Variants in BCKDHB observed in about 807,000 individuals in gnomAD.
The protein encoded by BCKDHB is branched chain keto acid dehydrogenase E1 subunit beta.
A neutral mutation model predicts 48.5 loss-of-function variants in BCKDHB; 41 were observed. That is an observed-to-expected ratio of 0.85 (90% CI 0.66 to 1.10). The LOEUF (loss-of-function observed/expected upper bound fraction) is 1.10. BCKDHB is among the 50% of genes least tolerant of loss of function. The pLI is 0.00. For missense variants in BCKDHB, 496 were observed against 494.2 expected (o/e 1.00, Z -0.03); for synonymous variants, 201 against 174.8 (o/e 1.15, Z -1.18).
At chr6:80,313,679 C>T (rs1387031831) in intron 9 of BCKDHB, among the ~76,000 whole-genome samples, 1 of 152,102 alleles carries the variant, frequency 6.6e-6, no homozygotes, top group African/African-American at 2.4e-5. Context: ...CGCGCCTGAC[C>T]TATTTTATTA....
intron 6 of BCKDHB, among the ~76,000 whole-genome samples, chr6:80,194,935 G>A (rs1228518552): frequency 6.6e-6 from 1 of 151,896 alleles, no homozygotes; most frequent in Non-Finnish European, 1.5e-5. Flanking sequence ...AGTCTATATT[G>A]TGTTGTGGGA....
At chr6:80,130,566 CA>C (rs1770576868) in intron 3 of BCKDHB, among the ~76,000 whole-genome samples, 1 of 152,130 alleles carries the variant, frequency 6.6e-6, no homozygotes, top group Non-Finnish European at 1.5e-5. Context: ...GGTAGTTGGG[CA>C]AAAGATTATT....
At chr6:80,390,902 C>T in the BCKDHB span, among the ~76,000 whole-genome samples, 5 of 152,074 alleles carry the variant, frequency 3.3e-5, no homozygotes, top group South Asian at 2.1e-4. Flanking sequence ...CACCCTTAAT[C>T]GAGTGGGCGC....
At chr6:80,389,387 C>T in the BCKDHB span, among the ~76,000 whole-genome samples, 3 of 152,200 alleles carry the variant, frequency 2.0e-5, no homozygotes, top group Non-Finnish European at 4.4e-5. Context: ...TGGCACCATT[C>T]CTCAGGGTGA....
At chr6:80,269,783 G>GATT (rs1443966753) in intron 8 of BCKDHB, among the ~76,000 whole-genome samples, 1 of 152,014 alleles carries the variant, frequency 6.6e-6, no homozygotes, top group Non-Finnish European at 1.5e-5. Flanking sequence ...TTTTTTAAAT[G>GATT]ATTATTAGCA....
At chr6:80,279,257 G>T (rs1778099311) in intron 9 of BCKDHB, among the ~76,000 whole-genome samples, 1 of 151,844 alleles carries the variant, frequency 6.6e-6, no homozygotes, top group Non-Finnish European at 1.5e-5. Flanking sequence ...GGGTTCAAGT[G>T]ATTCTCCTGC....
chr6:80,230,901 T>C (rs1775898385), intron 8 of BCKDHB, among the ~76,000 whole-genome samples: 1 of 152,248 alleles, frequency 6.6e-6, no homozygotes, highest in Non-Finnish European at 1.5e-5. Context: ...TAATAACCTC[T>C]TAACAGTCCC....
chr6:80,423,890 T>A, the BCKDHB span, among the ~76,000 whole-genome samples: 1 of 152,190 alleles, frequency 6.6e-6, no homozygotes, highest in Non-Finnish European at 1.5e-5. Flanking sequence ...TTCCAGGAGT[T>A]TTCAGTATCT....
At chr6:80,299,795 A>G (rs1053095679) in intron 9 of BCKDHB, among the ~76,000 whole-genome samples, 1 of 152,210 alleles carries the variant, frequency 6.6e-6, no homozygotes, top group Non-Finnish European at 1.5e-5. Context: ...AATCAACTAC[A>G]CAATCAATTT....
chr6:80,300,405 G>T (rs943187831), intron 9 of BCKDHB, among the ~76,000 whole-genome samples: 6 of 152,096 alleles, frequency 3.9e-5, no homozygotes, highest in African/African-American at 1.4e-4. Flanking sequence ...TAAAAGGAAG[G>T]ACAATGAAGG....
At chr6:80,259,162 T>C (rs1410751449) in intron 8 of BCKDHB, among the ~76,000 whole-genome samples, 2 of 152,212 alleles carry the variant, frequency 1.3e-5, no homozygotes, top group African/African-American at 4.8e-5. Context: ...TTGGACTCTT[T>C]GATGGTTGCA....
intron 8 of BCKDHB, among the ~76,000 whole-genome samples, chr6:80,215,971 A>G (rs1278606217): frequency 1.3e-5 from 2 of 152,206 alleles, no homozygotes; most frequent in East Asian, 3.9e-4. Flanking sequence ...TGATCTCCTG[A>G]CCTCGTGATC....
chr6:80,188,428 G>C (rs1252447768), intron 6 of BCKDHB, among the ~76,000 whole-genome samples: 1 of 152,078 alleles, frequency 6.6e-6, no homozygotes, highest in Non-Finnish European at 1.5e-5. Context: ...CTTGAGCCAA[G>C]GGTTTGAGAC....
chr6:80,169,696 A>G, intron 5 of BCKDHB: 2 of 880,186 alleles, frequency 2.3e-6, no homozygotes, highest in Non-Finnish European at 3.2e-6. Flanking sequence ...GGATCATTGT[A>G]GAAACCCATA....
At chr6:80,358,586 C>T in the BCKDHB span, among the ~76,000 whole-genome samples, 1 of 152,116 alleles carries the variant, frequency 6.6e-6, no homozygotes, top group South Asian at 2.1e-4. Context: ...ATGGATAAAC[C>T]TCCAAAACAT....
chr6:80,362,525 G>C, the BCKDHB span, among the ~76,000 whole-genome samples: 2 of 152,204 alleles, frequency 1.3e-5, no homozygotes, highest in Admixed American at 1.3e-4. Context: ...GGTCACTCTT[G>C]TGGCTTCTCT....
At chr6:80,401,659 T>C in the BCKDHB span, among the ~76,000 whole-genome samples, 14 of 151,860 alleles carry the variant, frequency 9.2e-5, no homozygotes, top group Non-Finnish European at 1.5e-5. Flanking sequence ...CTATAGGCAC[T>C]AAGCTTTATA....
intron 8 of BCKDHB, among the ~76,000 whole-genome samples, chr6:80,263,812 G>T (rs910047805): frequency 3.3e-5 from 5 of 152,068 alleles, no homozygotes; most frequent in Non-Finnish European, 7.4e-5. Context: ...TTTGGTTAGG[G>T]TCACTTTCTT....
At chr6:80,461,881 GA>G in the BCKDHB span, among the ~76,000 whole-genome samples, 1 of 152,112 alleles carries the variant, frequency 6.6e-6, no homozygotes, top group East Asian at 1.9e-4. Context: ...ACCTGAAAAT[GA>G]AGCAAAGAAA....
Sources: allele counts gnomAD v4.1 joint callset (sites outside exome capture counted in the v4.1 genomes callset), GRCh38; gene constraint gnomAD v4.1.1; transcripts MANE v1.5; gene names NCBI Gene and HGNC (gene_info 2026-07-23, HGNC 2026-07-21).